The following GRAMD1B variants were observed in gnomAD, a reference collection of about 807,000 sequenced individuals.
The protein encoded by GRAMD1B is GRAM domain containing 1B, also known as protein Aster-B.
A neutral mutation model predicts 99.7 loss-of-function variants in GRAMD1B; 37 were observed. That is an observed-to-expected ratio of 0.37 (90% CI 0.29 to 0.49). GRAMD1B has a LOEUF of 0.49. Ranked by LOEUF, GRAMD1B falls within the 20% of genes least tolerant of loss-of-function variation. The pLI, the probability that GRAMD1B is intolerant of heterozygous loss-of-function variation, is 0.98. For synonymous variants in GRAMD1B, 427 were observed against 387.6 expected (o/e 1.10, Z -1.19); for missense variants, 888 against 1,009.2 (o/e 0.88, Z 1.63).
chr11:123,442,495 C>T (rs187635469), intron 1 of GRAMD1B, among the ~76,000 whole-genome samples: 107 of 152,210 alleles, frequency 7.0e-4, no homozygotes, highest in Non-Finnish European at 8.8e-4. Flanking sequence ...GAAGGCTGGG[C>T]GCGGTGGCTC....
chr11:123,606,292 C>A (rs975504294), intron 10 of GRAMD1B, among the ~76,000 whole-genome samples: 15 of 152,232 alleles, frequency 9.9e-5, no homozygotes, highest in Non-Finnish European at 2.2e-4. Context: ...TACCTGGAGG[C>A]AGGCTGACCT....
At chr11:123,565,539 T>C (rs1947267712) in intron 2 of GRAMD1B, among the ~76,000 whole-genome samples, 1 of 152,182 alleles carries the variant, frequency 6.6e-6, no homozygotes, top group Non-Finnish European at 1.5e-5. Context: ...CTAAAGACTA[T>C]TAAAATCAAA....
At chr11:123,611,425 C>T (rs1193981754) in intron 14 of GRAMD1B, among the ~76,000 whole-genome samples, 1 of 152,076 alleles carries the variant, frequency 6.6e-6, no homozygotes, top group African/African-American at 2.4e-5. Flanking sequence ...CAGAGTAAGA[C>T]CCTATCTCTT....
chr11:123,447,920 A>G (rs1161430713), intron 1 of GRAMD1B, among the ~76,000 whole-genome samples: 3 of 152,182 alleles, frequency 2.0e-5, no homozygotes, highest in East Asian at 1.9e-4. Flanking sequence ...ACCTCCCACA[A>G]TAGTTATCTT....
intron 2 of GRAMD1B, among the ~76,000 whole-genome samples, chr11:123,520,327 G>T (rs4936818): frequency 0.022 from 3,359 of 152,222 alleles, 57 homozygotes; most frequent in Non-Finnish European, 0.034. Flanking sequence ...CTGTGAAAAT[G>T]CAGGTAACAC....
chr11:123,429,992 A>AC (rs576641514), upstream of GRAMD1B, among the ~76,000 whole-genome samples: 61 of 151,472 alleles, frequency 4.0e-4, no homozygotes, highest in Middle Eastern at 3.4e-3. This position sits in a 1 kb window ranked among gnomAD's most constrained non-coding sequence, Gnocchi z 4.0. Flanking sequence ...CTTTCTCTGC[A>AC]CCCCCCACCC....
intron 2 of GRAMD1B, among the ~76,000 whole-genome samples, chr11:123,520,853 T>C (rs975388715): frequency 8.6e-5 from 13 of 150,830 alleles, no homozygotes; most frequent in Middle Eastern, 3.4e-3. Flanking sequence ...ATGTGTAAAG[T>C]ATAAAGAACA....
intron 2 of GRAMD1B, among the ~76,000 whole-genome samples, chr11:123,540,992 G>A (rs879488101): frequency 6.7e-6 from 1 of 148,482 alleles, no homozygotes; most frequent in Non-Finnish European, 1.5e-5. Flanking sequence ...TTTTCTTTTT[G>A]AGACGGAGTT....
chr11:123,447,772 G>A (rs1237438985), intron 1 of GRAMD1B, among the ~76,000 whole-genome samples: 1 of 152,174 alleles, frequency 6.6e-6, no homozygotes, highest in African/African-American at 2.4e-5. Flanking sequence ...CTATCTATGA[G>A]GCCTCCAAGT....
intron 1 of GRAMD1B, among the ~76,000 whole-genome samples, chr11:123,389,616 A>G (rs989544616): frequency 6.6e-6 from 1 of 152,364 alleles, no homozygotes; most frequent in Admixed American, 6.5e-5. Flanking sequence ...AGTTTAATTA[A>G]TAATTATGTA....
intron 2 of GRAMD1B, among the ~76,000 whole-genome samples, chr11:123,500,384 G>C (rs1939730151): frequency 6.6e-6 from 1 of 152,168 alleles, no homozygotes; most frequent in African/African-American, 2.4e-5. Flanking sequence ...AGAGACTCAA[G>C]AGGTCCAGTG....
intron 7 of GRAMD1B, among the ~76,000 whole-genome samples, 156 bp downstream of exon 7, chr11:123,596,193 G>A (rs924997244): frequency 1.3e-5 from 2 of 152,200 alleles, no homozygotes; most frequent in Non-Finnish European, 2.9e-5. Context: ...CTCCTGGGTG[G>A]ACAGGCTGGG....
intron 2 of GRAMD1B, among the ~76,000 whole-genome samples, chr11:123,559,267 G>T (rs702737): frequency 6.6e-6 from 1 of 152,070 alleles, no homozygotes; most frequent in African/African-American, 2.4e-5. Context: ...TAGTGTTGTC[G>T]GTTTTGTGCT....
At chr11:123,489,150 A>G (rs945441736) in intron 2 of GRAMD1B, among the ~76,000 whole-genome samples, 1 of 152,172 alleles carries the variant, frequency 6.6e-6, no homozygotes, top group Non-Finnish European at 1.5e-5. Flanking sequence ...GTTAAAAAAA[A>G]AAATTGAAAT....
At chr11:123,410,847 G>C (rs1031834915) in intron 1 of GRAMD1B, among the ~76,000 whole-genome samples, 1 of 152,012 alleles carries the variant, frequency 6.6e-6, no homozygotes, top group Non-Finnish European at 1.5e-5. Context: ...GTGACTTCTA[G>C]GCAAGCTTTA....
rs1444468176 is a variant in GRAMD1B, at chr11:123,430,897, C to T, written c.105C>T (p.Thr35=). ...GCCCGGTCTGGTCCAGTTCGTCGAC[C>T]CCCACGCTTCGCCGCCGGCGCTTCA... ...EGSPVWSSSS[T]PTLRRRRFKM... is the part of the protein sequence containing the mutation. Residue 35 remains threonine (T), a synonymous_variant, in exon 1 of 20, where the codon ACC becomes ACT. Transcript: ENST00000635736. The T allele has an allele frequency of 1.0e-5, 7 of 702,492 alleles. No individual in the cohort carries two copies. Among genetic ancestry groups the T allele is most frequent in the Admixed American group, 4.0e-5 (2 of 49,994 alleles). 43.5% of individuals were successfully genotyped at this position (702,492 alleles called of 1,614,324 possible).
In GRAMD1B at chr11:123,434,871, G is replaced by C. The variant is rs183305384; in HGVS notation, c.374+3705G>C. On this transcript the variant is annotated intron_variant, in intron 1 of 19. Transcript: ENST00000635736. ...TATCAGAAGACAGCTGTATATTTAA[G>C]TTCTATCATCGATTAGCTATGGAGA... 2.0e-5 allele frequency among the ~76,000 whole-genome samples: 3 copies of C among 152,334 alleles called. No homozygotes were observed. In the East Asian group the frequency reaches 5.8e-4, roughly 29 times the overall value.
chr11:123,371,191 G>A (rs1383873006), intron 1 of GRAMD1B, among the ~76,000 whole-genome samples: 1 of 151,988 alleles, frequency 6.6e-6, no homozygotes, highest in Non-Finnish European at 1.5e-5. Context: ...AAAATATGGA[G>A]CTGTTGAATT....
At chr11:123,607,001 G>A (rs532946570) in intron 11 of GRAMD1B, among the ~76,000 whole-genome samples, 14 of 152,212 alleles carry the variant, frequency 9.2e-5, no homozygotes, top group African/African-American at 3.4e-4. Context: ...ATAATGCTTT[G>A]TTCTGTCATT....
Sources: allele counts gnomAD v4.1 joint callset (sites outside exome capture counted in the v4.1 genomes callset), GRCh38; gene constraint gnomAD v4.1.1; non-coding constraint Gnocchi (gnomAD v3.1); transcripts MANE v1.5; gene names NCBI Gene and HGNC (gene_info 2026-07-23, HGNC 2026-07-21).